The following RAB1A variants were observed in gnomAD, a reference collection of about 807,000 sequenced individuals.
RAB1A encodes the protein ras-related protein Rab-1A.
In RAB1A, 2 loss-of-function variants were observed where a neutral mutation model predicts 26.0. The observed-to-expected ratio is 0.08, with a 90% CI of 0.03 to 0.24. The LOEUF is 0.24. Ranked by LOEUF, RAB1A falls within the 10% of genes least tolerant of loss-of-function variation. RAB1A has a pLI of 1.00. For synonymous variants in RAB1A, 84 were observed against 84.9 expected, an observed-to-expected ratio of 0.99 and a Z score of 0.06; for missense variants, 100 against 247.0, an observed-to-expected ratio of 0.40 and a Z score of 3.99.
chr2:65,110,695 A>C (rs569895400), intron 1 of RAB1A, among the ~76,000 whole-genome samples: 276 of 151,872 alleles, frequency 1.8e-3, no homozygotes, highest in African/African-American at 6.5e-3. Context: ...CCTACTTGTA[A>C]GGCTGAGGTA....
chr2:65,127,459 C>T (rs866666454), intron 1 of RAB1A, among the ~76,000 whole-genome samples: 1 of 150,726 alleles, frequency 6.6e-6, no homozygotes, highest in Non-Finnish European at 1.5e-5. Flanking sequence ...CTGCCGGGCG[C>T]GGTGGCTCAC....
chr2:65,113,070 T>C lies in RAB1A; in HGVS notation c.24-8264A>G, dbSNP rs145724840. ...TTAAAGAAAATTAAGGAAAAAATGA[T>C]CAATGACAGGATATGTGGATTTTTG... On this transcript the variant is annotated intron_variant, in intron 1 of 5. Coordinates refer to ENST00000409784, the MANE Select transcript of RAB1A (RefSeq NM_004161.5). 2.5e-3 allele frequency among the ~76,000 whole-genome samples: 377 copies of C among 152,184 alleles called. 4 individuals carry two copies. The highest frequency in any genetic ancestry group is 8.6e-3 in the African/African-American group (358 of 41,526).
chr2:65,114,155 T>C (rs758431503), intron 1 of RAB1A: 1 of 460,814 alleles, frequency 2.2e-6, no homozygotes, highest in African/African-American at 2.0e-5. Context: ...AATGAGAATA[T>C]ACTGTTTTCT....
At chr2:65,092,342 G>C (rs1466722456) in intron 3 of RAB1A, among the ~76,000 whole-genome samples, 1 of 151,840 alleles carries the variant, frequency 6.6e-6, no homozygotes, top group Non-Finnish European at 1.5e-5. Context: ...CGAGGATCAA[G>C]CTACCCTGAC....
chr2:65,120,005 T>G (rs1029684447), intron 1 of RAB1A, among the ~76,000 whole-genome samples: 3 of 148,050 alleles, frequency 2.0e-5, no homozygotes, highest in Non-Finnish European at 3.0e-5. Flanking sequence ...ATCAGGCAGA[T>G]GCTAACCACC....
chr2:65,118,189 T>G (rs1239517765), intron 1 of RAB1A, among the ~76,000 whole-genome samples: 1 of 152,188 alleles, frequency 6.6e-6, no homozygotes, highest in Non-Finnish European at 1.5e-5. Flanking sequence ...TCTGTTCCTC[T>G]CCAGTTGAAT....
At chr2:65,115,158 A>G (rs1669796440) in intron 1 of RAB1A, among the ~76,000 whole-genome samples, 1 of 152,236 alleles carries the variant, frequency 6.6e-6, no homozygotes, top group African/African-American at 2.4e-5. Context: ...TAAATTACCC[A>G]GTCTGTGCTA....
intron 1 of RAB1A, among the ~76,000 whole-genome samples, chr2:65,113,965 G>A (rs936256387): frequency 1.3e-5 from 2 of 152,150 alleles, no homozygotes; most frequent in African/African-American, 4.8e-5. Flanking sequence ...TTGAAAGGAG[G>A]AGAAAAGCGT....
At chr2:65,112,146 G>GT (rs1558583933) in intron 1 of RAB1A, among the ~76,000 whole-genome samples, 11 of 144,452 alleles carry the variant, frequency 7.6e-5, no homozygotes, top group Non-Finnish European at 1.4e-4. Flanking sequence ...GCTAGCTCAT[G>GT]ATTTTTTTTT....
Position 65,130,029 on chromosome 2 carries a change from G to A in RAB1A, c.-114C>T. On this transcript the variant is annotated 5_prime_UTR_variant, in exon 1 of 6. Transcript: ENST00000409784. Reference sequence around the variant, plus strand: ...GAATGAGATAGGCTGTTCCGGGAGAGCAAACGTCTTCCCCTACTCCGTCCC... The same window carrying A: ...GAATGAGATAGGCTGTTCCGGGAGAACAAACGTCTTCCCCTACTCCGTCCC... 1 of 1,171,112 alleles carries A rather than the reference G, an allele frequency of 8.5e-7. No individual in the cohort carries two copies. Among genetic ancestry groups the A allele is most frequent in the Non-Finnish European group, 1.2e-6 (1 of 805,418 alleles). The allele number at this position is 1,171,112 out of a possible 1,614,324, so 72.5% of individuals were successfully genotyped here. A position where few individuals can be genotyped will look rare whatever the true frequency, so the allele number is the denominator to read the frequency against.
chr2:65,117,562 T>C (rs1669853393), intron 1 of RAB1A, among the ~76,000 whole-genome samples: 2 of 151,926 alleles, frequency 1.3e-5, no homozygotes, highest in Non-Finnish European at 2.9e-5. Flanking sequence ...TGACTAAAAT[T>C]TTAAATTCTT....
At chr2:65,103,299 C>CCAAAAAAAAAAAAAAAAAAAA (rs1280376062) in intron 2 of RAB1A, among the ~76,000 whole-genome samples, 2 of 44,104 alleles carry the variant, frequency 4.5e-5, no homozygotes, top group African/African-American at 1.5e-4. Context: ...GAATCTGTCT[C>CCAAAAAAAAAAAAAAAAAAAA]AAAAAAAAAA....
At chr2:65,107,621 G>A (rs1669592052) in intron 1 of RAB1A, among the ~76,000 whole-genome samples, 1 of 152,038 alleles carries the variant, frequency 6.6e-6, no homozygotes. Context: ...CTGAGTAGCT[G>A]GGACTTAGTA....
At chr2:65,121,911 C>A (rs1669971395) in intron 1 of RAB1A, among the ~76,000 whole-genome samples, 1 of 152,154 alleles carries the variant, frequency 6.6e-6, no homozygotes, top group Admixed American at 6.5e-5. Flanking sequence ...GTAATCCTAG[C>A]ACTTTGGGAG....
intron 1 of RAB1A, among the ~76,000 whole-genome samples, chr2:65,105,135 A>G (rs1389094419): frequency 6.6e-6 from 1 of 151,620 alleles, no homozygotes; most frequent in Non-Finnish European, 1.5e-5. Flanking sequence ...AATAAATCCC[A>G]CTCCTCTATA....
chr2:65,116,708 A>G (rs1032507899), intron 1 of RAB1A, among the ~76,000 whole-genome samples: 3 of 152,254 alleles, frequency 2.0e-5, no homozygotes, highest in African/African-American at 7.2e-5. Flanking sequence ...ATCAGTGACA[A>G]AGGAACACAG....
intron 1 of RAB1A, among the ~76,000 whole-genome samples, chr2:65,117,685 G>A (rs927061176): frequency 1.3e-5 from 2 of 150,960 alleles, no homozygotes; most frequent in African/African-American, 4.9e-5. Context: ...TCCTACTTCA[G>A]CCTCCTGAGT....
intron 1 of RAB1A, among the ~76,000 whole-genome samples, chr2:65,125,395 T>TCC (rs575643132): frequency 1.5e-4 from 22 of 151,186 alleles, no homozygotes; most frequent in African/African-American, 5.3e-4. Flanking sequence ...ATGAGAATAA[T>TCC]CACGAGAATA....
chr2:65,093,016 C>T (rs988489793), intron 3 of RAB1A, among the ~76,000 whole-genome samples: 13 of 152,192 alleles, frequency 8.5e-5, no homozygotes, highest in African/African-American at 3.1e-4. Context: ...CTGAGGCCTC[C>T]TCAGCCATGC....
Sources: gnomAD v4.1 joint callset for allele counts (sites outside exome capture counted in the v4.1 genomes callset) on GRCh38, gnomAD v4.1.1 for gene constraint, MANE v1.5 for transcripts, NCBI Gene and HGNC (gene_info 2026-07-23, HGNC 2026-07-21) for gene names.